Variants in CYP39A1 observed in about 807,000 individuals in gnomAD.
The protein encoded by CYP39A1 is cytochrome P450 family 39 subfamily A member 1, also known as 24-hydroxycholesterol 7-alpha-hydroxylase.
A neutral mutation model predicts 58.1 loss-of-function variants in CYP39A1; 49 were observed. The observed-to-expected ratio is 0.84, with a 90% confidence interval of 0.67 to 1.07. The LOEUF (loss-of-function observed/expected upper bound fraction) is 1.07, where lower values mean the gene tolerates loss of function less well. Ranked by LOEUF, CYP39A1 falls within the 50% of genes least tolerant of loss-of-function variation. The probability of loss-of-function intolerance (pLI) is 0.00; values close to 1 mark genes in which losing one functional copy is unlikely to be tolerated. For missense variants in CYP39A1, 531 were observed against 539.4 expected (o/e 0.98, Z 0.16); for synonymous variants, 209 against 187.6 (o/e 1.11, Z -0.93).
chr6:46,611,104 T>C (rs148610908), intron 7 of CYP39A1, among the ~76,000 whole-genome samples: 235 of 152,314 alleles, frequency 1.5e-3, no homozygotes, highest in African/African-American at 5.5e-3. Flanking sequence ...ATGTTTCTAC[T>C]CTCCTCCTCC....
intron 5 of CYP39A1, among the ~76,000 whole-genome samples, chr6:46,631,777 C>T (rs923109343): frequency 6.6e-6 from 1 of 152,208 alleles, no homozygotes; most frequent in Non-Finnish European, 1.5e-5. Flanking sequence ...GGCAGGGCCC[C>T]ATCCAAGGCT....
intron 10 of CYP39A1, chr6:46,582,949 G>A (rs1772228502): frequency 2.1e-6 from 1 of 473,570 alleles, no homozygotes; most frequent in South Asian, 9.0e-5. Context: ...GAGATGTTTG[G>A]TTAAAAACAG....
rs921622699 is a variant in CYP39A1, at chr6:46,558,951, G to A, written c.1251-5097C>T. Among the ~76,000 whole-genome samples the A allele has an allele frequency of 2.0e-5, 3 of 148,076 alleles. No homozygotes were observed. In the East Asian group the frequency reaches 6.0e-4, roughly 30 times the overall value. On this transcript the variant is annotated intron_variant, in intron 10 of 11. Transcript: ENST00000275016. ...GCAGGGGGTGCAGTGAGCCGAGATCGCGCCACTGCGCTCCAACCTGGTGAC... is the reference window on the plus strand; with the variant it reads ...GCAGGGGGTGCAGTGAGCCGAGATCACGCCACTGCGCTCCAACCTGGTGAC...
chr6:46,580,221 G>A (rs1013067145), intron 10 of CYP39A1, among the ~76,000 whole-genome samples: 1 of 151,776 alleles, frequency 6.6e-6, no homozygotes, highest in Non-Finnish European at 1.5e-5. Flanking sequence ...ACATCAGATC[G>A]GATAAGTAAG....
intron 10 of CYP39A1, among the ~76,000 whole-genome samples, chr6:46,557,933 C>CAAAAAAAAAAAAAA (rs1186594398): frequency 0.013 from 483 of 36,732 alleles, no homozygotes; most frequent in Non-Finnish European, 0.018. Flanking sequence ...GACTCCATCT[C>CAAAAAAAAAAAAAA]AAAAAAAAAA....
intron 8 of CYP39A1, among the ~76,000 whole-genome samples, chr6:46,594,470 C>T (rs1478222147): frequency 6.6e-6 from 1 of 151,912 alleles, no homozygotes; most frequent in Non-Finnish European, 1.5e-5. Context: ...GCACATAGAT[C>T]AATAGAACAG....
At chr6:46,615,837 C>A (rs1324771529) in intron 7 of CYP39A1, among the ~76,000 whole-genome samples, 2 of 152,020 alleles carry the variant, frequency 1.3e-5, no homozygotes, top group Admixed American at 1.3e-4. Context: ...CTGTCTCTGA[C>A]CCCAATCAGC....
chr6:46,571,430 A>G (rs201284972), intron 10 of CYP39A1, among the ~76,000 whole-genome samples: 1 of 152,108 alleles, frequency 6.6e-6, no homozygotes, highest in African/African-American at 2.4e-5. Context: ...TATATTTACA[A>G]TTGTTTTACC....
intron 7 of CYP39A1, among the ~76,000 whole-genome samples, chr6:46,605,265 G>C (rs541073005): frequency 2.0e-5 from 3 of 152,254 alleles, no homozygotes; most frequent in South Asian, 2.1e-4. Flanking sequence ...GAGCAGCTTT[G>C]CACAGGAAGT....
intron 10 of CYP39A1, among the ~76,000 whole-genome samples, chr6:46,558,525 T>C (rs574758820): frequency 6.6e-6 from 1 of 152,026 alleles, no homozygotes; most frequent in African/African-American, 2.4e-5. Flanking sequence ...CCCCTCCTCC[T>C]CCAAATGTGG....
intron 10 of CYP39A1, chr6:46,583,412 G>T (rs1772263610): frequency 1.0e-6 from 1 of 985,192 alleles, no homozygotes; most frequent in South Asian, 4.7e-5. Flanking sequence ...ACTCTCAGAG[G>T]TGCTCACTCA....
chr6:46,585,923 C>G (rs1291697381), intron 10 of CYP39A1, among the ~76,000 whole-genome samples: 1 of 152,024 alleles, frequency 6.6e-6, no homozygotes, highest in Non-Finnish European at 1.5e-5. Flanking sequence ...TCCAATGGGA[C>G]AGGATGAACG....
intron 7 of CYP39A1, among the ~76,000 whole-genome samples, chr6:46,618,619 A>C (rs1774762457): frequency 6.6e-6 from 1 of 152,124 alleles, no homozygotes; most frequent in African/African-American, 2.4e-5. Flanking sequence ...ATTCATACGG[A>C]TTACTGGGCT....
chr6:46,615,064 T>C (rs1416017144), intron 7 of CYP39A1, among the ~76,000 whole-genome samples: 1 of 152,120 alleles, frequency 6.6e-6, no homozygotes, highest in African/African-American at 2.4e-5. Flanking sequence ...CAAAGTCTTA[T>C]TTTCATGGTA....
chr6:46,564,775 T>C lies in CYP39A1; in HGVS notation c.1251-10921A>G, dbSNP rs145115261. On this transcript the variant is annotated intron_variant, in intron 10 of 11. Coordinates refer to ENST00000275016, the MANE Select transcript of CYP39A1 (RefSeq NM_016593.5). ...CCAGCATGTGCTGGAAAGCTATCAC[T>C]GTTGCCAGGAGCAAGAGGTCTGAAG... Among the ~76,000 whole-genome samples, 322 of 152,280 alleles carry C rather than the reference T, an allele frequency of 2.1e-3. 1 individual carries two copies. The highest frequency in any genetic ancestry group is 4.0e-3 in the Non-Finnish European group (275 of 68,022).
In CYP39A1 at chr6:46,652,437, G is replaced by A. The variant is rs141377265; in HGVS notation, c.146C>T (p.Pro49Leu). The A allele has an allele frequency of 6.9e-5, 112 of 1,613,452 alleles. No individual in the cohort carries two copies. The highest frequency in any genetic ancestry group is 9.3e-5 in the Non-Finnish European group (110 of 1,179,874). ...IGVGFEFGKA[P>L]LEFIEKARIK... is the part of the protein sequence containing the mutation. ...TCTTGCTTTCTCTATAAATTCTAGA[G>A]GGGCTTTCCCAAACTCAAATCCAAC... Residue 49 changes from proline (P) to leucine (L), a missense_variant, in exon 1 of 12, where the codon CCT becomes CTT. By Grantham distance (98) the Pro-to-Leu change is moderately conservative. Coordinates refer to ENST00000275016, the MANE Select transcript of CYP39A1 (RefSeq NM_016593.5).
chr6:46,604,369 C>T (rs1773709358), intron 7 of CYP39A1, among the ~76,000 whole-genome samples: 1 of 151,516 alleles, frequency 6.6e-6, no homozygotes, highest in Non-Finnish European at 1.5e-5. Context: ...GTGCTTTTTC[C>T]TTGAGGTATA....
At chr6:46,558,224 G>A (rs1770761863) in intron 10 of CYP39A1, among the ~76,000 whole-genome samples, 1 of 152,030 alleles carries the variant, frequency 6.6e-6, no homozygotes, top group Non-Finnish European at 1.5e-5. Flanking sequence ...CTCACACTGT[G>A]AAAAGAACTT....
rs6904943 is a variant in CYP39A1 at position 46,581,986 on chromosome 6, A to G, written c.1250+5091T>C. On this transcript the variant is annotated intron_variant, in intron 10 of 11. Coordinates refer to ENST00000275016, the MANE Select transcript of CYP39A1 (RefSeq NM_016593.5). ...GCAGTGAGAAGAGAGAAGCATGGCTAAAAATCAATAAGGATTCTGATAACC... is the reference window on the plus strand; with the variant it reads ...GCAGTGAGAAGAGAGAAGCATGGCTGAAAATCAATAAGGATTCTGATAACC... 8.9e-3 allele frequency among the ~76,000 whole-genome samples: 1,361 copies of G among 152,286 alleles called. 13 individuals carry two copies. Among genetic ancestry groups the G allele is most frequent in the African/African-American group, 0.031 (1,293 of 41,548 alleles).
Sources: gnomAD v4.1 joint callset for allele counts (sites outside exome capture counted in the v4.1 genomes callset) on GRCh38, gnomAD v4.1.1 for gene constraint, MANE v1.5 for transcripts, NCBI Gene and HGNC (gene_info 2026-07-23, HGNC 2026-07-21) for gene names.